The following ERBB4 variants were observed in gnomAD, a reference collection of about 807,000 sequenced individuals.
The protein encoded by ERBB4 is receptor tyrosine-protein kinase erbB-4.
In ERBB4, 42 loss-of-function variants were observed where a neutral mutation model predicts 158.0. That is an observed-to-expected ratio of 0.27 (90% CI 0.21 to 0.34). The LOEUF (loss-of-function observed/expected upper bound fraction) is 0.34, where lower values mean the gene tolerates loss of function less well. Ranked by LOEUF, ERBB4 falls within the 10% of genes least tolerant of loss-of-function variation. The probability of loss-of-function intolerance (pLI) is 1.00; values close to 1 mark genes in which losing one functional copy is unlikely to be tolerated. For synonymous variants in ERBB4, 583 were observed against 558.7 expected, an observed-to-expected ratio of 1.04 and a Z score of -0.61; for missense variants, 1,333 against 1,624.1, an observed-to-expected ratio of 0.82 and a Z score of 3.08.
At chr2:212,175,868 A>G (rs1377164668) in intron 1 of ERBB4, among the ~76,000 whole-genome samples, 1 of 151,920 alleles carries the variant, frequency 6.6e-6, no homozygotes, top group Non-Finnish European at 1.5e-5. Flanking sequence ...TCTTGTCACA[A>G]TGCTGAACCC....
At chr2:212,112,149 G>A (rs543581085) in intron 2 of ERBB4, among the ~76,000 whole-genome samples, 4 of 152,112 alleles carry the variant, frequency 2.6e-5, no homozygotes, top group South Asian at 2.1e-4. Context: ...CTTAGCCTCC[G>A]GAATAGGTAG....
intron 1 of ERBB4, among the ~76,000 whole-genome samples, chr2:212,483,210 G>T (rs1436766550): frequency 6.6e-6 from 1 of 152,194 alleles, no homozygotes; most frequent in Non-Finnish European, 1.5e-5. Flanking sequence ...AAATTCACTG[G>T]AACAGATGAC....
chr2:212,531,475 AG>A (rs1331300442), intron 1 of ERBB4, among the ~76,000 whole-genome samples: 1 of 152,180 alleles, frequency 6.6e-6, no homozygotes, highest in Admixed American at 6.5e-5. Flanking sequence ...CCATGATGAA[AG>A]AGGATGGCCC....
At chr2:211,692,294 G>A (rs573741651) in intron 12 of ERBB4, among the ~76,000 whole-genome samples, 3 of 152,252 alleles carry the variant, frequency 2.0e-5, no homozygotes, top group African/African-American at 7.2e-5. Context: ...AATTGTGTCC[G>A]AAAAGCTATT....
At chr2:212,302,390 C>T (rs1035610973) in intron 1 of ERBB4, among the ~76,000 whole-genome samples, 12 of 151,352 alleles carry the variant, frequency 7.9e-5, no homozygotes, top group African/African-American at 2.7e-4. Flanking sequence ...TATAAAATCT[C>T]CTTGTTGTAT....
At chr2:211,547,883 G>T (rs2066983600) in intron 20 of ERBB4, among the ~76,000 whole-genome samples, 1 of 152,184 alleles carries the variant, frequency 6.6e-6, no homozygotes, top group African/African-American at 2.4e-5. Context: ...TTATAGAAAG[G>T]AGTAACTTAC....
At chr2:212,090,686 C>A (rs2078748266) in intron 2 of ERBB4, among the ~76,000 whole-genome samples, 1 of 152,124 alleles carries the variant, frequency 6.6e-6, no homozygotes, top group East Asian at 1.9e-4. Flanking sequence ...GCCATACTTC[C>A]AGATTCCAAT....
At chr2:212,222,107 A>T (rs1286877618) in intron 1 of ERBB4, among the ~76,000 whole-genome samples, 1 of 151,580 alleles carries the variant, frequency 6.6e-6, no homozygotes, top group Non-Finnish European at 1.5e-5. Flanking sequence ...TGCTAAGTAT[A>T]TAAGTGGATT....
chr2:212,146,828 A>G (rs1398984905), intron 1 of ERBB4, among the ~76,000 whole-genome samples: 1 of 152,108 alleles, frequency 6.6e-6, no homozygotes, highest in Non-Finnish European at 1.5e-5. Context: ...ATGGTGCCAG[A>G]CATTTCTTCC....
intron 19 of ERBB4, among the ~76,000 whole-genome samples, chr2:211,605,533 A>C (rs965410842): frequency 2.0e-5 from 3 of 152,094 alleles, no homozygotes; most frequent in Non-Finnish European, 2.9e-5. Context: ...CCCCTAAGAG[A>C]GCTTACAGAC....
intron 16 of ERBB4, 99 bp from the exon 17 acceptor site, chr2:211,630,693 A>C: frequency 9.3e-7 from 1 of 1,080,378 alleles, no homozygotes; most frequent in Non-Finnish European, 1.4e-6. Flanking sequence ...TCCACATTTC[A>C]CAAATCTAGT....
rs28715896 is a variant in ERBB4 at position 211,695,376 on chromosome 2, C to A, written c.1489+6591G>T. Among the ~76,000 whole-genome samples the A allele has an allele frequency of 1.9e-3, 294 of 152,060 alleles. 3 individuals carry two copies. The highest frequency in any genetic ancestry group is 6.7e-3 in the African/African-American group (278 of 41,502). On this transcript the variant is annotated intron_variant, in intron 12 of 27. Coordinates refer to ENST00000342788, the MANE Select transcript of ERBB4 (RefSeq NM_005235.3). Reference sequence around the variant, plus strand: ...CAGAGATAAATATAAAAATGTGTATCCTTTTTGGCTTCTTTGTGCCAAAAA... The same window carrying A: ...CAGAGATAAATATAAAAATGTGTATACTTTTTGGCTTCTTTGTGCCAAAAA...
chr2:212,138,772 C>G (rs1178382014), intron 1 of ERBB4, among the ~76,000 whole-genome samples: 1 of 152,136 alleles, frequency 6.6e-6, no homozygotes, highest in Non-Finnish European at 1.5e-5. Flanking sequence ...TGCTCTGACA[C>G]AGACCGGATA....
At chr2:211,509,118 G>C (rs1320483264) in intron 20 of ERBB4, among the ~76,000 whole-genome samples, 1 of 151,044 alleles carries the variant, frequency 6.6e-6, no homozygotes, top group Non-Finnish European at 1.5e-5. Flanking sequence ...TCACTCATAA[G>C]TGGGAGTTGA....
At chr2:212,098,619 AAG>A (rs2078996970) in intron 2 of ERBB4, among the ~76,000 whole-genome samples, 1 of 152,188 alleles carries the variant, frequency 6.6e-6, no homozygotes, top group Non-Finnish European at 1.5e-5. Context: ...GCTTTATAAA[AAG>A]AAGTTTTTAT....
chr2:211,432,283 T>C (rs1559162271), intron 20 of ERBB4, among the ~76,000 whole-genome samples: 1 of 152,166 alleles, frequency 6.6e-6, no homozygotes, highest in Non-Finnish European at 1.5e-5. Context: ...AACAGACACA[T>C]AAATCACACA....
Position 211,431,009 on chromosome 2 carries a change from G to T in ERBB4, c.2579C>A (p.Thr860Lys), listed in dbSNP as rs763189652. 1 of 1,613,608 alleles carries T rather than the reference G, an allele frequency of 6.2e-7. No individual in the cohort carries two copies. Residue 860 changes from threonine (T) to lysine (K), a missense_variant, in exon 21 of 28, where the codon ACA (threonine) becomes AAA (lysine). Physicochemically the swap from Thr to Lys is moderately conservative, Grantham distance 78. Transcript: ENST00000342788. ...LVKSPNHVKI[T>K]DFGLARLLEG... ...CAAGAGTCTGGCTAGCCCAAAATCT[G>T]TGATTTTCACATGGTTTGGAGATTT...
intron 2 of ERBB4, among the ~76,000 whole-genome samples, chr2:212,023,031 AT>A (rs1417126200): frequency 1.3e-5 from 2 of 152,000 alleles, no homozygotes; most frequent in African/African-American, 4.8e-5. Flanking sequence ...TTATTTTTTC[AT>A]TTGCACATAA....
intron 1 of ERBB4, among the ~76,000 whole-genome samples, chr2:212,259,432 T>A (rs1267981909): frequency 1.3e-5 from 2 of 152,166 alleles, no homozygotes; most frequent in Admixed American, 1.3e-4. Flanking sequence ...AACAATGACT[T>A]CTCTTCCTAT....
Sources: allele counts gnomAD v4.1 joint callset (sites outside exome capture counted in the v4.1 genomes callset), GRCh38; gene constraint gnomAD v4.1.1; transcripts MANE v1.5; gene names NCBI Gene and HGNC (gene_info 2026-07-23, HGNC 2026-07-21).